IQGAP3: variants seen among roughly 807,000 people sequenced by gnomAD.
IQGAP3 encodes the protein IQ motif containing GTPase activating protein 3, also known as ras GTPase-activating-like protein IQGAP3.
A neutral mutation model predicts 208.2 loss-of-function variants in IQGAP3; 165 were observed. That is an observed-to-expected ratio of 0.79 (90% CI 0.70 to 0.90). The LOEUF is 0.90. Ranked by LOEUF, IQGAP3 falls within the 40% of genes least tolerant of loss-of-function variation. IQGAP3 has a pLI of 0.00. For missense variants in IQGAP3, 1,811 were observed against 2,043.1 expected (o/e 0.89, Z 2.19); for synonymous variants, 703 against 803.6 (o/e 0.87, Z 2.12).
chr1:156,554,131 A>G (rs1160788665), intron 13 of IQGAP3, 104 bp downstream of exon 13: 2 of 1,407,950 alleles, frequency 1.4e-6, no homozygotes, highest in Non-Finnish European at 1.9e-6. Context: ...CCTGGGCCCA[A>G]GAATGGGACA....
chr1:156,538,710 C>A (rs1674826222), intron 26 of IQGAP3, 99 bp downstream of exon 26: 1 of 969,088 alleles, frequency 1.0e-6, no homozygotes, highest in Non-Finnish European at 1.6e-6. Flanking sequence ...TTATATGCCA[C>A]CTTCAAAGTA....
In IQGAP3 at chr1:156,527,404, G is replaced by C. The variant is rs1674144471; in HGVS notation, c.4782+548C>G. ...GAGGCAGGAGAATCGCTTGAACCCA[G>C]GAGGCAGAGGTTGCAGTGAGCTGAG... is the stretch of plus-strand genomic sequence containing the variant. On this transcript the variant is annotated intron_variant, in intron 37 of 37. Transcript: ENST00000361170. Among the ~76,000 whole-genome samples the C allele has an allele frequency of 2.6e-5, 4 of 152,152 alleles. No homozygotes were observed. The South Asian group carries it at 8.3e-4, about 32-fold the overall frequency.
intron 7 of IQGAP3, 60 bp from the exon 8 acceptor site, chr1:156,563,372 A>G (rs1676253029): frequency 6.6e-7 from 1 of 1,512,878 alleles, no homozygotes; most frequent in African/African-American, 1.4e-5. Flanking sequence ...TTGGAGCGCA[A>G]CCAGTAGCAG....
chr1:156,531,970 T>G (rs949338718), intron 32 of IQGAP3, among the ~76,000 whole-genome samples: 7 of 152,186 alleles, frequency 4.6e-5, no homozygotes, highest in Admixed American at 2.6e-4. Context: ...GAGCTTGAGC[T>G]GGCACTTTGG....
chr1:156,530,113 G>A lies in IQGAP3; in HGVS notation c.4396C>T (p.Leu1466=), dbSNP rs200332849. ...CAGGCCCAGGTTGTTACCTTGGCCA[G>A]CTCGTCCACTAGCCCCTGGTAGCCA... ...RNGYQGLVDE[L]AKDIRNQHRH... Residue 1466 remains leucine, a synonymous_variant, in exon 34 of 38, where the codon CTG becomes TTG. Coordinates refer to ENST00000361170, the MANE Select transcript of IQGAP3 (RefSeq NM_178229.5). 8 of 1,599,270 alleles carry A rather than the reference G, an allele frequency of 5.0e-6. No individual in the cohort carries two copies. In the South Asian group the frequency reaches 5.6e-5, roughly 11 times the overall value.
chr1:156,544,553 G>T, intron 19 of IQGAP3, 81 bp from the exon 20 acceptor site: 1 of 1,196,134 alleles, frequency 8.4e-7, no homozygotes, highest in South Asian at 1.2e-5. Flanking sequence ...CTTTGTCCTG[G>T]GCCCTCCAGG....
Position 156,562,574 on chromosome 1 carries a change from C to T in IQGAP3, c.877+13G>A, listed in dbSNP as rs1183919057. The T allele has an allele frequency of 5.6e-6, 9 of 1,611,580 alleles. No homozygotes were observed. Among genetic ancestry groups the T allele is most frequent in the East Asian group, 2.2e-5 (1 of 44,876 alleles). On this transcript the variant is annotated intron_variant, in intron 9 of 37. Coordinates refer to ENST00000361170, the MANE Select transcript of IQGAP3 (RefSeq NM_178229.5). ...AGGTCACCCCCAAACCACTCCTGCT[C>T]GAGGTCTCTTACCGTTGACATGGTT...
chr1:156,563,876 ACT>A (rs1344415746), intron 5 of IQGAP3, 52 bp from the exon 6 acceptor site: 1 of 1,480,136 alleles, frequency 6.8e-7, no homozygotes. Context: ...TCATTTTGAC[ACT>A]CTGCCCACGA....
At position 156,548,430 on chromosome 1, in the gene IQGAP3, T is replaced by C; in HGVS notation, c.2051A>G (p.His684Arg). Residue 684 changes from histidine to arginine, a missense_variant, in exon 18 of 38, where the codon CAT (histidine) becomes CGT (arginine). His to Arg is a conservative substitution (Grantham distance 29). Coordinates refer to ENST00000361170, the MANE Select transcript of IQGAP3 (RefSeq NM_178229.5). ...CCAGATCCCCTGGAAGGTCTGCAGA[T>C]GGAAGTAGTAGGCAGTGCCATCCTT... The part of the protein sequence containing the change: ...DMKDGTAYYF[H>R]LQTFQGIWEQ... The C allele has an allele frequency of 6.2e-7, 1 of 1,613,924 alleles. No homozygotes were observed. Among genetic ancestry groups the C allele is most frequent in the Middle Eastern group, 1.6e-4 (1 of 6,062 alleles).
chr1:156,544,310 C>T (rs1646474505), intron 20 of IQGAP3, 79 bp downstream of exon 20: 3 of 1,571,048 alleles, frequency 1.9e-6, no homozygotes, highest in Non-Finnish European at 1.8e-6. Flanking sequence ...CTAGAGGTCA[C>T]AAGAAGGTGA....
In IQGAP3 at chr1:156,556,711, A is replaced by C; in HGVS notation, c.1130-18T>G. On this transcript the variant is annotated intron_variant, in intron 11 of 37. Transcript: ENST00000361170. ...GTGGAGCACTGCAAGGCAGGAGAGC[A>C]ACAGGTTGTACTGGCCGGGCATTCA... 1 of 1,524,680 alleles carries C rather than the reference A, an allele frequency of 6.6e-7. No homozygotes were observed. The highest frequency in any genetic ancestry group is 8.8e-7 in the Non-Finnish European group (1 of 1,130,068). 94.4% of individuals were successfully genotyped at this position (1,524,680 alleles called of 1,614,324 possible). A position where few individuals can be genotyped will look rare whatever the true frequency, so the allele number is the denominator to read the frequency against.
rs1674596219 is a variant in IQGAP3, at chr1:156,534,591, T to G, written c.3650A>C (p.Gln1217Pro). 2 of 1,612,464 alleles carry G rather than the reference T, an allele frequency of 1.2e-6. No homozygotes were observed. The highest frequency in any genetic ancestry group is 1.7e-5 in the Admixed American group (1 of 59,898). Residue 1217 changes from glutamine (Q) to proline (P), a missense_variant, in exon 29 of 38, where the codon CAG becomes CCG. Coordinates refer to ENST00000361170, the MANE Select transcript of IQGAP3 (RefSeq NM_178229.5). ...HALGAVAQLL[Q>P]HAAAGKAFSG... ...GAAGGCCTTGCCAGCCGCAGCGTGC[T>G]GTAGGAGCTGAGCCACAGCCCCCAG...
In IQGAP3 at chr1:156,529,916, C is replaced by CAAAAA. The variant is rs57536386; in HGVS notation, c.4404+184_4404+188dup. On this transcript the variant is annotated intron_variant, in intron 34 of 37. Transcript: ENST00000361170. ...AGCCTGGATGAGAGTGAGACTGTCT[C>CAAAAA]AAAAAAAAAAAAAAAAAAGAAAAAA... 1.6e-3 allele frequency among the ~76,000 whole-genome samples: 110 copies of CAAAAA among 68,986 alleles called. 4 individuals are homozygous for CAAAAA. Among genetic ancestry groups the CAAAAA allele is most frequent in the African/African-American group, 5.9e-3 (99 of 16,882 alleles). 45.3% of individuals were successfully genotyped at this position (68,986 alleles called of 152,430 possible).
intron 33 of IQGAP3, 68 bp downstream of exon 33, chr1:156,531,092 C>A: frequency 9.2e-7 from 1 of 1,086,932 alleles, no homozygotes; most frequent in Non-Finnish European, 1.4e-6. Flanking sequence ...AGGGAAACAG[C>A]AGCGGTGCAG....
In IQGAP3 at chr1:156,569,487, T is replaced by C. The variant is rs535612635; in HGVS notation, c.38-24A>G. On this transcript the variant is annotated intron_variant, in intron 1 of 37. Transcript: ENST00000361170. ...ATCTGAGGAGTTAAACGGGATAAGG[T>C]CAATGAAGAGAGCATTAGAGGTGCC... 8 of 1,391,984 alleles carry C rather than the reference T, an allele frequency of 5.7e-6. No homozygotes were observed. In the South Asian group the frequency reaches 7.1e-5, roughly 12 times the overall value. 86.2% of individuals were successfully genotyped at this position (1,391,984 alleles called of 1,614,324 possible). A position where few individuals can be genotyped will look rare whatever the true frequency, so the allele number is the denominator to read the frequency against.
At chr1:156,562,097 C>T (rs1234114863) in intron 9 of IQGAP3, 96 bp from the exon 10 acceptor site, 20 of 1,112,100 alleles carry the variant, frequency 1.8e-5, no homozygotes, top group South Asian at 8.1e-5. Context: ...CTTGCCTGCC[C>T]GGAATTACCC....
At chr1:156,554,768 A>T (rs1675742868) in intron 12 of IQGAP3, among the ~76,000 whole-genome samples, 2 of 152,236 alleles carry the variant, frequency 1.3e-5, no homozygotes, top group South Asian at 4.1e-4. Flanking sequence ...CATATCAAGA[A>T]CTGTATTAGC....
intron 4 of IQGAP3, among the ~76,000 whole-genome samples, chr1:156,565,404 A>G (rs1267340485): frequency 6.6e-6 from 1 of 152,214 alleles, no homozygotes; most frequent in African/African-American, 2.4e-5. Context: ...AAGTGTCTTT[A>G]CTGCTGTTTC....
At chr1:156,561,153 C>A (rs1362608104) in intron 10 of IQGAP3, 132 bp from the exon 11 acceptor site, 5 of 617,030 alleles carry the variant, frequency 8.1e-6, no homozygotes, top group African/African-American at 1.8e-5. Flanking sequence ...GTTAGGCTGG[C>A]TCACTCATCC....
Sources: gnomAD v4.1 joint callset for allele counts (sites outside exome capture counted in the v4.1 genomes callset) on GRCh38, gnomAD v4.1.1 for gene constraint, MANE v1.5 for transcripts, NCBI Gene and HGNC (gene_info 2026-07-23, HGNC 2026-07-21) for gene names.